POU6F2: variants seen among roughly 807,000 people sequenced by gnomAD.
POU6F2 encodes the protein POU class 6 homeobox 2.
In POU6F2, 31 loss-of-function variants were observed where a neutral mutation model predicts 71.3. The ratio of observed to expected loss-of-function variants is 0.43; its 90% CI spans 0.33 to 0.59. POU6F2 has a LOEUF of 0.59. Among genes scored for constraint, POU6F2 ranks in the 20% least tolerant of loss-of-function variants. The pLI is 0.04. For missense variants in POU6F2, 783 were observed against 856.8 expected (o/e 0.91, Z 1.07); for synonymous variants, 347 against 355.7 (o/e 0.98, Z 0.27).
At chr7:39,335,238 A>G (rs1785745262) in intron 4 of POU6F2, among the ~76,000 whole-genome samples, 5 of 152,196 alleles carry the variant, frequency 3.3e-5, no homozygotes, top group Admixed American at 3.3e-4. Flanking sequence ...AATAACAGCC[A>G]TGTTTCTCTG....
Position 39,399,633 on chromosome 7 carries a change from C to T in POU6F2, c.973-6967C>T, listed in dbSNP as rs1367316186. Among the ~76,000 whole-genome samples, 3 of 152,226 alleles carry T rather than the reference C, an allele frequency of 2.0e-5. No individual in the cohort carries two copies. The East Asian group carries it at 5.8e-4, about 29-fold the overall frequency. ...CTTTGGAAGGCTGAGGCAGGAGGAT[C>T]ACTGGAGCCCAGGAGTTTGAGACCA... is the stretch of plus-strand genomic sequence containing the variant. On this transcript the variant is annotated intron_variant, in intron 5 of 9. Coordinates refer to ENST00000518318, the MANE Select transcript of POU6F2 (RefSeq NM_001370959.1).
intron 2 of POU6F2, among the ~76,000 whole-genome samples, chr7:39,152,491 T>G (rs1792781925): frequency 6.6e-6 from 1 of 152,176 alleles, no homozygotes; most frequent in African/African-American, 2.4e-5. Context: ...CCATACCTGT[T>G]GGCAGACCCC....
At chr7:39,091,805 A>C (rs1272374567) in intron 2 of POU6F2, among the ~76,000 whole-genome samples, 1 of 152,130 alleles carries the variant, frequency 6.6e-6, no homozygotes, top group Non-Finnish European at 1.5e-5. Flanking sequence ...TTTTTCTCCC[A>C]CTTCAACGTT....
intron 1 of POU6F2, among the ~76,000 whole-genome samples, chr7:38,997,006 C>G (rs1788759685): frequency 6.6e-6 from 1 of 152,178 alleles, no homozygotes; most frequent in African/African-American, 2.4e-5. Flanking sequence ...TCTAGTCTTC[C>G]TGTTCCTATG....
chr7:39,012,870 C>A (rs1263881965), intron 1 of POU6F2, among the ~76,000 whole-genome samples: 3 of 152,256 alleles, frequency 2.0e-5, no homozygotes, highest in East Asian at 3.9e-4. Context: ...CTTGAGGAGG[C>A]AGTCTGCCGG....
chr7:39,449,050 G>A (rs1788591796), intron 7 of POU6F2, among the ~76,000 whole-genome samples: 1 of 152,232 alleles, frequency 6.6e-6, no homozygotes, highest in African/African-American at 2.4e-5. Flanking sequence ...GGGATCCCAT[G>A]TCAATTGTAA....
chr7:39,455,430 T>C lies in POU6F2; in HGVS notation c.1489+3729T>C, dbSNP rs139966732. Reference sequence around the variant, plus strand: ...AGGTCACCATATTGCAAAAATACTGTTCTCCCAAATTGCATTGCAAACTCC... The same window carrying C: ...AGGTCACCATATTGCAAAAATACTGCTCTCCCAAATTGCATTGCAAACTCC... On this transcript the variant is annotated intron_variant, in intron 8 of 9. Transcript: ENST00000518318. 2.6e-5 allele frequency among the ~76,000 whole-genome samples: 4 copies of C among 152,322 alleles called. No individual in the cohort carries two copies. In the South Asian group the frequency reaches 8.3e-4, roughly 32 times the overall value.
chr7:39,176,815 C>A (rs1793340163), intron 2 of POU6F2, among the ~76,000 whole-genome samples: 1 of 152,192 alleles, frequency 6.6e-6, no homozygotes, highest in South Asian at 2.1e-4. Flanking sequence ...GAGTCCATAA[C>A]ATTAAGCATG....
In POU6F2 at chr7:39,339,793, G is replaced by A. The variant is rs1454407846; in HGVS notation, c.750G>A (p.Gln250=). 4 of 1,572,242 alleles carry A rather than the reference G, an allele frequency of 2.5e-6. No homozygotes were observed. The highest frequency in any genetic ancestry group is 1.7e-4 in the Middle Eastern group (1 of 6,016). The change falls in exon 5 of 10, where the codon CAG becomes CAA. Residue 250 remains glutamine (Q), a synonymous_variant. Coordinates refer to ENST00000518318, the MANE Select transcript of POU6F2 (RefSeq NM_001370959.1). ...CGCAGTCCCAGCAGCAGCCGCTGCA[G>A]CCCACCCCACCCCAGCAGCCACCAC... ...APSQSQQQPL[Q]PTPPQQPPPA...
At chr7:39,070,365 A>T (rs887605946) in intron 1 of POU6F2, among the ~76,000 whole-genome samples, 3 of 150,228 alleles carry the variant, frequency 2.0e-5, no homozygotes, top group African/African-American at 7.6e-5. Flanking sequence ...TTAAACTACC[A>T]GGCATCTCCC....
intron 4 of POU6F2, among the ~76,000 whole-genome samples, chr7:39,256,633 G>T (rs1270432110): frequency 6.6e-6 from 1 of 152,134 alleles, no homozygotes; most frequent in Non-Finnish European, 1.5e-5. Flanking sequence ...CAGGATTATC[G>T]AGTGGACTCA....
chr7:39,264,091 C>T (rs952369325), intron 4 of POU6F2, among the ~76,000 whole-genome samples: 12 of 152,198 alleles, frequency 7.9e-5, no homozygotes, highest in African/African-American at 2.7e-4. Flanking sequence ...AAGTCCAGGC[C>T]TCTCAGCATG....
chr7:39,203,428 T>C (rs1263903155), intron 2 of POU6F2, among the ~76,000 whole-genome samples: 1 of 152,202 alleles, frequency 6.6e-6, no homozygotes, highest in Non-Finnish European at 1.5e-5. Flanking sequence ...TTTTATTTGT[T>C]TTGTTTGTTT....
At chr7:39,308,533 A>C (rs745749670) in intron 4 of POU6F2, among the ~76,000 whole-genome samples, 1 of 152,202 alleles carries the variant, frequency 6.6e-6, no homozygotes, top group Non-Finnish European at 1.5e-5. Context: ...TGGACTACAG[A>C]TGTGAGTAAG....
rs563186917 is a variant in POU6F2, at chr7:39,350,547, T to G, written c.972+10532T>G. Reference sequence around the variant, plus strand: ...CTCCATGGAAGGAATCTGACCAATCTAAGGCTAAAGCCAAGTGGTCTTTGG... The same window carrying G: ...CTCCATGGAAGGAATCTGACCAATCGAAGGCTAAAGCCAAGTGGTCTTTGG... On this transcript the variant is annotated intron_variant, in intron 5 of 9. Coordinates refer to ENST00000518318, the MANE Select transcript of POU6F2 (RefSeq NM_001370959.1). Among the ~76,000 whole-genome samples the G allele has an allele frequency of 1.4e-4, 22 of 152,328 alleles. No homozygotes were observed. The South Asian group carries it at 4.6e-3, about 32-fold the overall frequency.
At chr7:39,063,869 T>A (rs34381038) in intron 1 of POU6F2, among the ~76,000 whole-genome samples, 36,624 of 152,024 alleles carry the variant, frequency 0.24, 4,637 homozygotes, top group South Asian at 0.38. Flanking sequence ...ATAATCTCAA[T>A]AGAATTTTGA....
chr7:39,082,321 G>A (rs1791137902), intron 1 of POU6F2, among the ~76,000 whole-genome samples: 1 of 152,114 alleles, frequency 6.6e-6, no homozygotes, highest in Non-Finnish European at 1.5e-5. Flanking sequence ...GTTCCATGGT[G>A]GACTAGTCAC....
intron 2 of POU6F2, among the ~76,000 whole-genome samples, chr7:39,156,884 C>G (rs1190880204): frequency 6.6e-6 from 1 of 152,188 alleles, no homozygotes; most frequent in South Asian, 2.1e-4. Flanking sequence ...CAAACCTTCA[C>G]CTAGCATCAA....
intron 4 of POU6F2, among the ~76,000 whole-genome samples, chr7:39,229,507 G>A (rs1460293436): frequency 3.3e-5 from 5 of 152,178 alleles, no homozygotes; most frequent in African/African-American, 9.7e-5. Context: ...CCAGAAACAC[G>A]TACAGGAAAG....
Sources: gnomAD v4.1 joint callset for allele counts (sites outside exome capture counted in the v4.1 genomes callset) on GRCh38, gnomAD v4.1.1 for gene constraint, MANE v1.5 for transcripts, NCBI Gene and HGNC (gene_info 2026-07-23, HGNC 2026-07-21) for gene names.